ACOT7: variants seen among roughly 807,000 people sequenced by gnomAD.
ACOT7 encodes the protein acyl-CoA thioesterase 7.
In ACOT7, 12 loss-of-function variants were observed where a neutral mutation model predicts 40.2. The ratio of observed to expected loss-of-function variants is 0.30; its 90% CI spans 0.19 to 0.48. ACOT7 has a LOEUF of 0.48. Among genes scored for constraint, ACOT7 ranks in the 20% least tolerant of loss-of-function variants. ACOT7 has a pLI of 0.99. For missense variants in ACOT7, 395 were observed against 530.8 expected (o/e 0.74, Z 2.51); for synonymous variants, 228 against 219.5 (o/e 1.04, Z -0.34).
chr1:6,306,864 C>T lies in ACOT7; in HGVS notation c.712+11628G>A, dbSNP rs1557642709. The T allele has an allele frequency of 7.8e-7, 1 of 1,289,112 alleles. No individual in the cohort carries two copies. Among genetic ancestry groups the T allele is most frequent in the East Asian group, 5.5e-5 (1 of 18,028 alleles). 79.9% of individuals were successfully genotyped at this position (1,289,112 alleles called of 1,614,324 possible). A position where few individuals can be genotyped will look rare whatever the true frequency, so the allele number is the denominator to read the frequency against. On this transcript the variant is annotated intron_variant, in intron 6 of 8. Transcript: ENST00000361521. The surrounding 1 kb of genome is among the most constrained non-coding windows in gnomAD (Gnocchi z 4.3). ...TAACTGTGCCCTCTTTTGCATTTTTCAGTGAAAGTCAACTCCTCCTGCAGG... is the reference window on the plus strand; with the variant it reads ...TAACTGTGCCCTCTTTTGCATTTTTTAGTGAAAGTCAACTCCTCCTGCAGG...
Position 6,330,831 on chromosome 1 carries a change from C to T in ACOT7, c.510+2646G>A, listed in dbSNP as rs897180780. ...TGTGTTCAGGTCCAGGCCCGCCCCT[C>T]GGTATCACCCGCCTGAGATGCACCA... On this transcript the variant is annotated intron_variant, in intron 4 of 8. Coordinates refer to ENST00000361521, the MANE Select transcript of ACOT7 (RefSeq NM_007274.4). The surrounding 1 kb of genome is among the most constrained non-coding windows in gnomAD (Gnocchi z 4.6). Among the ~76,000 whole-genome samples the T allele has an allele frequency of 2.0e-5, 3 of 152,182 alleles. No homozygotes were observed. The highest frequency in any genetic ancestry group is 2.9e-5 in the Non-Finnish European group (2 of 68,036).
chr1:6,268,160 G>T (rs557141090), intron 8 of ACOT7, among the ~76,000 whole-genome samples: 4 of 152,278 alleles, frequency 2.6e-5, no homozygotes, highest in South Asian at 4.1e-4. Context: ...CTGTGGCGGG[G>T]GATGTCCACC....
intron 8 of ACOT7, among the ~76,000 whole-genome samples, chr1:6,272,817 C>T (rs930626433): frequency 6.6e-6 from 1 of 152,268 alleles, no homozygotes; most frequent in African/African-American, 2.4e-5. Context: ...ATCTCTCGCT[C>T]ACCTTCCGCA....
intron 2 of ACOT7, among the ~76,000 whole-genome samples, chr1:6,346,062 G>A (rs1272203282): frequency 6.6e-6 from 1 of 152,246 alleles, no homozygotes; most frequent in Non-Finnish European, 1.5e-5. Context: ...GCAGCTGGAA[G>A]CAGAGAGGGA....
At chr1:6,265,044 C>T (rs556518865) in intron 8 of ACOT7, among the ~76,000 whole-genome samples, 282 of 152,352 alleles carry the variant, frequency 1.9e-3, no homozygotes, top group African/African-American at 6.4e-3. Context: ...GACATCCTCT[C>T]ACCACCTTTC....
chr1:6,264,613 G>A lies in ACOT7; in HGVS notation c.1097C>T (p.Ala366Val), dbSNP rs139667005. 7.6e-5 allele frequency: 123 copies of A among 1,612,674 alleles called. No individual in the cohort carries two copies. In the African/African-American group the frequency reaches 1.0e-3, roughly 13 times the overall value. Residue 366 changes from alanine to valine, a missense_variant, in exon 9 of 9, where the codon GCG becomes GTG. Around this residue, in one of 2 missense-constraint regions of ACOT7, gnomAD observed 309 missense variants for 470.3 expected, o/e 0.66. Coordinates refer to ENST00000361521, the MANE Select transcript of ACOT7 (RefSeq NM_007274.4). ...LQMKAKRQGH[A>V]EPQP is the part of the protein sequence containing the mutation. Reference sequence around the variant, plus strand: ...GGAGGGAGTCTAGGGCTGAGGCTCCGCGTGGCCCTGTCGCTTCGCCTTCAT... The same window carrying A: ...GGAGGGAGTCTAGGGCTGAGGCTCCACGTGGCCCTGTCGCTTCGCCTTCAT...
At chr1:6,270,610 G>A (rs1417786320) in intron 8 of ACOT7, among the ~76,000 whole-genome samples, 7 of 152,220 alleles carry the variant, frequency 4.6e-5, no homozygotes, top group Admixed American at 1.3e-4. Flanking sequence ...TGAGTCCCAC[G>A]GGCCCAGCTG....
chr1:6,387,588 G>A (rs1248262967), intron 1 of ACOT7, among the ~76,000 whole-genome samples: 2 of 152,174 alleles, frequency 1.3e-5, no homozygotes, highest in Non-Finnish European at 2.9e-5. Flanking sequence ...AGAGGCCAAG[G>A]GGTGGGATGG....
chr1:6,305,434 G>A (rs1263768705), intron 6 of ACOT7, among the ~76,000 whole-genome samples: 84 of 151,760 alleles, frequency 5.5e-4, no homozygotes, highest in African/African-American at 1.9e-3. Flanking sequence ...CTCCCGGACG[G>A]GGTGGCTGCC....
At chr1:6,304,897 A>G (rs1389530936) in intron 6 of ACOT7, among the ~76,000 whole-genome samples, 1 of 140,780 alleles carries the variant, frequency 7.1e-6, no homozygotes, top group African/African-American at 3.0e-5. Flanking sequence ...CCCGTTCTCA[A>G]TGAGCTGTTG....
In ACOT7 at chr1:6,289,391, C is replaced by G. The variant is rs765428602; in HGVS notation, c.829+5473G>C. Among the ~76,000 whole-genome samples the G allele has an allele frequency of 6.6e-6, 1 of 151,714 alleles. No homozygotes were observed. Among genetic ancestry groups the G allele is most frequent in the Non-Finnish European group, 1.5e-5 (1 of 67,950 alleles). ...CTGGGATTACAGGAGTGAGCCACCA[C>G]GCCCAGCCTGTTTTTGTTTTTTAAA... On this transcript the variant is annotated intron_variant, in intron 7 of 8. Transcript: ENST00000361521. The surrounding 1 kb of genome is among the most constrained non-coding windows in gnomAD (Gnocchi z 4.6).
rs942201353 is a variant in ACOT7 at position 6,352,481 on chromosome 1, C to T, written c.144-2615G>A. ...GCCCCATGGCCTGGCCAAGGCCAAC[C>T]GTGTCCATCCCAGGACAGGGTCATG... On this transcript the variant is annotated intron_variant, in intron 1 of 8. Transcript: ENST00000361521. The surrounding 1 kb of genome is among the most constrained non-coding windows in gnomAD (Gnocchi z 4.5). Among the ~76,000 whole-genome samples the T allele has an allele frequency of 1.4e-4, 22 of 152,256 alleles. No homozygotes were observed. The highest frequency in any genetic ancestry group is 1.2e-3 in the Admixed American group (19 of 15,284).
rs1314548301 is a variant in ACOT7 at position 6,338,615 on chromosome 1, C to T, written c.418+818G>A. 2.0e-5 allele frequency among the ~76,000 whole-genome samples: 3 copies of T among 152,192 alleles called. No homozygotes were observed. The highest frequency in any genetic ancestry group is 3.9e-4 in the East Asian group (2 of 5,190). On this transcript the variant is annotated intron_variant, in intron 3 of 8. Coordinates refer to ENST00000361521, the MANE Select transcript of ACOT7 (RefSeq NM_007274.4). The surrounding 1 kb of genome is among the most constrained non-coding windows in gnomAD (Gnocchi z 4.4). ...CTAGATGCATAATCGTGCTTGCTAC[C>T]GGCCCGTCATGAGGAAGAGGACTCA...
chr1:6,338,834 A>C lies in ACOT7; in HGVS notation c.418+599T>G, dbSNP rs1641181923. On this transcript the variant is annotated intron_variant, in intron 3 of 8. Coordinates refer to ENST00000361521, the MANE Select transcript of ACOT7 (RefSeq NM_007274.4). The surrounding 1 kb of genome is among the most constrained non-coding windows in gnomAD (Gnocchi z 4.4). ...ACCTCCCGTCCCCAGCCTGGGTATAAAAAGAAGCGTGAGCTGGTGAACACT... is the reference window on the plus strand; with the variant it reads ...ACCTCCCGTCCCCAGCCTGGGTATACAAAGAAGCGTGAGCTGGTGAACACT... Among the ~76,000 whole-genome samples, 1 of 152,098 alleles carries C rather than the reference A, an allele frequency of 6.6e-6. No individual in the cohort carries two copies. The highest frequency in any genetic ancestry group is 2.4e-5 in the African/African-American group (1 of 41,408).
intron 5 of ACOT7, among the ~76,000 whole-genome samples, chr1:6,320,817 T>A (rs149167448): frequency 1.8e-3 from 279 of 152,346 alleles, no homozygotes; most frequent in African/African-American, 6.3e-3. Context: ...TGAAACCCTA[T>A]CCGGCCTCTG....
At chr1:6,305,142 G>T (rs1404335472) in intron 6 of ACOT7, among the ~76,000 whole-genome samples, 1 of 149,452 alleles carries the variant, frequency 6.7e-6, no homozygotes, top group Non-Finnish European at 1.5e-5. Flanking sequence ...TCCCAGTAGG[G>T]GCGGCCGGGC....
chr1:6,362,731 C>G (rs1237740252), intron 1 of ACOT7, among the ~76,000 whole-genome samples: 3 of 151,996 alleles, frequency 2.0e-5, no homozygotes, highest in Admixed American at 2.0e-4. Context: ...CCAGAAAGAT[C>G]TCTCAGAGCT....
rs1641831030 is a variant in ACOT7 at position 6,359,154 on chromosome 1, G to C, written c.144-9288C>G. 1 of 283,332 alleles carries C rather than the reference G, an allele frequency of 3.5e-6. No individual in the cohort carries two copies. Among genetic ancestry groups the C allele is most frequent in the Non-Finnish European group, 6.8e-6 (1 of 148,118 alleles). The allele number at this position is 283,332 out of a possible 1,614,324, so 17.6% of individuals were successfully genotyped here. ...TCAGGAAGGCAGAGGGGCCGCTGCT[G>C]AGCGGCCTCAGGGAAGCGGCTATGA... On this transcript the variant is annotated intron_variant, in intron 1 of 8. Transcript: ENST00000361521. This position sits in a 1 kb window ranked among gnomAD's most constrained non-coding sequence, Gnocchi z 4.1.
rs193033378 is a variant in ACOT7 at position 6,306,383 on chromosome 1, G to A, written c.713-11403C>T. 1.0e-6 allele frequency: 1 copy of A among 985,418 alleles called. No individual in the cohort carries two copies. The highest frequency in any genetic ancestry group is 1.7e-5 in the African/African-American group (1 of 57,350). 61.0% of individuals were successfully genotyped at this position (985,418 alleles called of 1,614,324 possible). On this transcript the variant is annotated intron_variant, in intron 6 of 8. Coordinates refer to ENST00000361521, the MANE Select transcript of ACOT7 (RefSeq NM_007274.4). The surrounding 1 kb of genome is among the most constrained non-coding windows in gnomAD (Gnocchi z 4.3). ...ACCCAGTGTGGGCAGGACAAAGTGA[G>A]TTCCTGGGACAGGTGCCTATAGGAT...
Sources: allele counts gnomAD v4.1 joint callset (sites outside exome capture counted in the v4.1 genomes callset), GRCh38; gene constraint gnomAD v4.1.1; regional missense constraint gnomAD v4.1.1; non-coding constraint Gnocchi (gnomAD v3.1); transcripts MANE v1.5; gene names NCBI Gene and HGNC (gene_info 2026-07-23, HGNC 2026-07-21).